The following SPAM1 variants were observed in gnomAD, a reference collection of about 807,000 sequenced individuals.
SPAM1 encodes the protein hyaluronidase PH-20.
A neutral mutation model predicts 29.6 loss-of-function variants in SPAM1; 22 were observed. The ratio of observed to expected loss-of-function variants is 0.74; its 90% CI spans 0.53 to 1.06. The LOEUF is 1.06. Among genes scored for constraint, SPAM1 ranks in the 50% least tolerant of loss-of-function variants. The pLI is 0.00. For missense variants in SPAM1, 534 were observed against 604.0 expected (o/e 0.88, Z 1.21); for synonymous variants, 194 against 204.6 (o/e 0.95, Z 0.44).
At chr7:123,952,255 A>C (rs1271634796) in intron 2 of SPAM1, among the ~76,000 whole-genome samples, 1 of 152,116 alleles carries the variant, frequency 6.6e-6, no homozygotes, top group African/African-American at 2.4e-5. Flanking sequence ...AATAGTCCTT[A>C]TGATTTTATT....
At chr7:123,941,595 CT>C (rs1808429755) in intron 1 of SPAM1, among the ~76,000 whole-genome samples, 1 of 152,120 alleles carries the variant, frequency 6.6e-6, no homozygotes, top group South Asian at 2.1e-4. Context: ...TCTGTCTGTC[CT>C]TTGTTCACAA....
At chr7:123,934,784 T>C (rs1808203643) in intron 1 of SPAM1, among the ~76,000 whole-genome samples, 1 of 152,110 alleles carries the variant, frequency 6.6e-6, no homozygotes, top group Non-Finnish European at 1.5e-5. Flanking sequence ...GCTGGAAACG[T>C]TGATCTTATA....
chr7:123,953,498 C>A lies in SPAM1; in HGVS notation c.-73C>A. The A allele has an allele frequency of 1.2e-6, 1 of 837,880 alleles. No homozygotes were observed. The highest frequency in any genetic ancestry group is 1.8e-5 in the South Asian group (1 of 55,672). 51.9% of individuals were successfully genotyped at this position (837,880 alleles called of 1,614,324 possible). Reference sequence around the variant, plus strand: ...CCATTCCCTTTCATCTGTGCTCATACTTTGCATCAGATATTGGGTAAACCA... The same window carrying A: ...CCATTCCCTTTCATCTGTGCTCATAATTTGCATCAGATATTGGGTAAACCA... On this transcript the variant is annotated 5_prime_UTR_variant, in exon 3 of 5. Coordinates refer to ENST00000682466, the MANE Select transcript of SPAM1 (RefSeq NM_153189.3).
chr7:123,961,167 T>C (rs533851116), downstream of SPAM1, among the ~76,000 whole-genome samples: 7 of 152,020 alleles, frequency 4.6e-5, no homozygotes, highest in African/African-American at 1.2e-4. Context: ...TTTCTTTGTG[T>C]TGGGAACATG....
At chr7:123,956,079 G>A (rs1343129151) in intron 4 of SPAM1, among the ~76,000 whole-genome samples, 2 of 151,800 alleles carry the variant, frequency 1.3e-5, no homozygotes, top group Admixed American at 6.6e-5. Context: ...AGTGAATCAG[G>A]CATTCCTCAA....
At chr7:123,962,900 A>G (rs1240014766), downstream of SPAM1, among the ~76,000 whole-genome samples, 1 of 151,798 alleles carries the variant, frequency 6.6e-6, no homozygotes, top group Non-Finnish European at 1.5e-5. Context: ...ATTTTTGATA[A>G]CTTGCTTTCC....
At position 123,953,901 on chromosome 7, in the gene SPAM1, AATGG is replaced by A; in HGVS notation, c.333_336del (p.Asn111LysfsTer26). Reference sequence around the variant, plus strand: ...AGATTCAATCACAGGAGTAACTGTGAATGGAGGAATCCCCCAGAAGATTTCCTTA... The same window carrying A: ...AGATTCAATCACAGGAGTAACTGTGAAGGAATCCCCCAGAAGATTTCCTTA... On this transcript the variant is annotated frameshift_variant, in exon 3 of 5. Transcript: ENST00000682466. LOFTEE classifies it high-confidence loss of function. The A allele has an allele frequency of 6.2e-7, 1 of 1,613,766 alleles. No individual in the cohort carries two copies. Among genetic ancestry groups the A allele is most frequent in the Non-Finnish European group, 8.5e-7 (1 of 1,179,804 alleles).
intron 1 of SPAM1, chr7:123,932,019 G>A (rs752433271): frequency 6.6e-6 from 1 of 152,180 alleles, no homozygotes; most frequent in Non-Finnish European, 1.5e-5. Context: ...CCTTCCATAT[G>A]AAAAATGACA....
intron 1 of SPAM1, among the ~76,000 whole-genome samples, chr7:123,929,563 TA>T (rs1808003024): frequency 6.6e-6 from 1 of 152,072 alleles, no homozygotes; most frequent in Admixed American, 6.6e-5. Context: ...GGGTGGGGTG[TA>T]AAAGGGCTTT....
In SPAM1 at chr7:123,954,265, C is replaced by T. The variant is rs200315691; in HGVS notation, c.695C>T (p.Pro232Leu). ...TGTTACAACCATCACTATAAGAAAC[C>T]CGGTTACAATGGAAGTTGCTTCAAT... is the stretch of plus-strand genomic sequence containing the variant. ...PDCYNHHYKK[P>L]GYNGSCFNVE... Residue 232 changes from proline (P) to leucine (L), a missense_variant, in exon 3 of 5, where the codon CCC becomes CTC. Pro to Leu is a moderately conservative substitution (Grantham distance 98). Transcript: ENST00000682466. 5.0e-6 allele frequency: 8 copies of T among 1,612,310 alleles called. No individual in the cohort carries two copies. In the African/African-American group the frequency reaches 1.1e-4, roughly 22 times the overall value.
chr7:123,961,306 C>T (rs1792354647), downstream of SPAM1, among the ~76,000 whole-genome samples: 1 of 151,888 alleles, frequency 6.6e-6, no homozygotes, highest in Non-Finnish European at 1.5e-5. Flanking sequence ...TCTGGCCTCT[C>T]CCTATCCTTC....
intron 5 of SPAM1, among the ~76,000 whole-genome samples, chr7:123,968,183 C>T (rs967751616): frequency 6.6e-6 from 1 of 152,006 alleles, no homozygotes; most frequent in Admixed American, 6.6e-5. Context: ...TGCTGCAGAG[C>T]AGGGCTTGAG....
At chr7:123,958,534 A>G (rs1792294389) in intron 4 of SPAM1, among the ~76,000 whole-genome samples, 1 of 151,986 alleles carries the variant, frequency 6.6e-6, no homozygotes, top group African/African-American at 2.4e-5. Context: ...TGCTATTTAA[A>G]CTTGTCTGGC....
At chr7:123,944,709 T>C (rs1450087873) in intron 1 of SPAM1, among the ~76,000 whole-genome samples, 2 of 152,094 alleles carry the variant, frequency 1.3e-5, no homozygotes, top group African/African-American at 4.8e-5. Context: ...AGATAAAACA[T>C]TATTAGCATC....
chr7:123,959,435 G>T lies in SPAM1; in HGVS notation c.1045-49G>T. ...TAATACACTAAATTAATTCGCATTT[G>T]AACTAACTTGTCCTTTGATATTCTG... is the stretch of plus-strand genomic sequence containing the variant. On this transcript the variant is annotated intron_variant, in intron 4 of 4. Transcript: ENST00000682466. 2.2e-6 allele frequency: 3 copies of T among 1,345,300 alleles called. No individual in the cohort carries two copies. The South Asian group carries it at 4.3e-5, about 19-fold the overall frequency. The allele number at this position is 1,345,300 out of a possible 1,614,324, so 83.3% of individuals were successfully genotyped here. A position where few individuals can be genotyped will look rare whatever the true frequency, so the allele number is the denominator to read the frequency against.
chr7:123,965,706 CTTG>C (rs1792415868), intron 5 of SPAM1, among the ~76,000 whole-genome samples: 2 of 151,970 alleles, frequency 1.3e-5, no homozygotes. Context: ...TTACTGTAGC[CTTG>C]TTGTATAGTT....
At chr7:123,939,146 T>C (rs1045355410) in intron 1 of SPAM1, among the ~76,000 whole-genome samples, 12 of 149,432 alleles carry the variant, frequency 8.0e-5, no homozygotes, top group South Asian at 4.3e-4. Flanking sequence ...AGTGCAGTGG[T>C]GCGATCTCGG....
Position 123,953,353 on chromosome 7 carries a change from T to C in SPAM1, c.-206-12T>C, listed in dbSNP as rs1792160556. On this transcript the variant is annotated splice_polypyrimidine_tract_variant and intron_variant, in intron 2 of 4. Coordinates refer to ENST00000682466, the MANE Select transcript of SPAM1 (RefSeq NM_153189.3). ...ATGCATCATAACAATGTATTCTGTA[T>C]TTCTTTTTCAGTTATAGGTGATGCA... is the stretch of plus-strand genomic sequence containing the variant. 2.3e-6 allele frequency: 1 copy of C among 432,148 alleles called. No individual in the cohort carries two copies. The highest frequency in any genetic ancestry group is 4.1e-5 in the Admixed American group (1 of 24,644). 26.8% of individuals were successfully genotyped at this position (432,148 alleles called of 1,614,324 possible). A position where few individuals can be genotyped will look rare whatever the true frequency, so the allele number is the denominator to read the frequency against.
At chr7:123,945,970 A>G (rs1234428963) in intron 1 of SPAM1, among the ~76,000 whole-genome samples, 2 of 152,144 alleles carry the variant, frequency 1.3e-5, no homozygotes, top group Non-Finnish European at 2.9e-5. Flanking sequence ...CCCCAACAGT[A>G]TGATTACTGA....
Sources: gnomAD v4.1 joint callset for allele counts (sites outside exome capture counted in the v4.1 genomes callset) on GRCh38, gnomAD v4.1.1 for gene constraint, MANE v1.5 for transcripts, NCBI Gene and HGNC (gene_info 2026-07-23, HGNC 2026-07-21) for gene names.